The following FHOD3 variants were observed in gnomAD, a reference collection of about 807,000 sequenced individuals.
The protein encoded by FHOD3 is FH1/FH2 domain-containing protein 3.
FHOD3 carries 90 observed loss-of-function variants against 173.0 expected under a neutral mutation model. That is an observed-to-expected ratio of 0.52 (90% confidence interval 0.44 to 0.62). FHOD3 has a LOEUF of 0.62. FHOD3 is among the 20% of genes least tolerant of loss of function. FHOD3 has a pLI of 0.00. For synonymous variants in FHOD3, 828 were observed against 823.0 expected, an observed-to-expected ratio of 1.01 and a Z score of -0.10; for missense variants, 1,945 against 2,034.7, an observed-to-expected ratio of 0.96 and a Z score of 0.85.
chr18:36,557,282 G>A (rs2057925714), intron 5 of FHOD3, among the ~76,000 whole-genome samples: 1 of 152,008 alleles, frequency 6.6e-6, no homozygotes, highest in South Asian at 2.1e-4. Context: ...AGGAAATCCA[G>A]TAACCAATAT....
intron 7 of FHOD3, among the ~76,000 whole-genome samples, chr18:36,600,284 C>CACACACAT (rs1555778047): frequency 6.6e-6 from 1 of 151,386 alleles, no homozygotes; most frequent in African/African-American, 2.4e-5. Context: ...CACACACACA[C>CACACACAT]ACACATATGC....
chr18:36,320,939 A>G (rs1454893764), intron 1 of FHOD3, among the ~76,000 whole-genome samples: 2 of 152,230 alleles, frequency 1.3e-5, no homozygotes, highest in Non-Finnish European at 2.9e-5. Context: ...AAATAAAATG[A>G]ATTGGCAAGG....
intron 3 of FHOD3, among the ~76,000 whole-genome samples, chr18:36,408,418 C>T (rs895475459): frequency 6.6e-6 from 1 of 151,942 alleles, no homozygotes; most frequent in Non-Finnish European, 1.5e-5. Context: ...GGGTTAATGC[C>T]CTGAGGTGGC....
At chr18:36,745,748 C>T (rs369511258) in intron 23 of FHOD3, among the ~76,000 whole-genome samples, 78 of 145,852 alleles carry the variant, frequency 5.3e-4, no homozygotes, top group African/African-American at 1.9e-3. Flanking sequence ...CTCCCGCTCA[C>T]CCCCCGCCAC....
At chr18:36,613,695 A>G (rs2032922924) in intron 9 of FHOD3, among the ~76,000 whole-genome samples, 1 of 152,000 alleles carries the variant, frequency 6.6e-6, no homozygotes. Context: ...GTTTTTTGAG[A>G]CAGTCTCTCT....
chr18:36,446,514 T>C (rs1322827564), intron 3 of FHOD3, among the ~76,000 whole-genome samples: 7 of 152,264 alleles, frequency 4.6e-5, no homozygotes, highest in Non-Finnish European at 8.8e-5. Flanking sequence ...TGCCACACTT[T>C]AATCCACATG....
intron 3 of FHOD3, among the ~76,000 whole-genome samples, chr18:36,438,583 A>T (rs986883416): frequency 1.3e-5 from 2 of 152,076 alleles, no homozygotes; most frequent in African/African-American, 4.8e-5. Flanking sequence ...GACCACTGTT[A>T]TGTGTGTCTG....
intron 3 of FHOD3, among the ~76,000 whole-genome samples, chr18:36,459,665 A>G (rs919078562): frequency 6.6e-6 from 1 of 151,394 alleles, no homozygotes; most frequent in Non-Finnish European, 1.5e-5. Flanking sequence ...GAGCATTTTG[A>G]TTTTTTTTTC....
intron 3 of FHOD3, among the ~76,000 whole-genome samples, chr18:36,413,603 A>G (rs2146936453): frequency 6.6e-6 from 1 of 152,246 alleles, no homozygotes; most frequent in South Asian, 2.1e-4. Context: ...GCACAGCTGC[A>G]CCCCTCATGT....
chr18:36,726,326 T>C (rs1292875481), intron 19 of FHOD3, among the ~76,000 whole-genome samples: 1 of 151,786 alleles, frequency 6.6e-6, no homozygotes, highest in African/African-American at 2.4e-5. Flanking sequence ...ATACAAGAGG[T>C]TTTTTGCTTT....
At chr18:36,706,393 C>G (rs2039880032) in intron 17 of FHOD3, among the ~76,000 whole-genome samples, 1 of 152,090 alleles carries the variant, frequency 6.6e-6, no homozygotes, top group African/African-American at 2.4e-5. Flanking sequence ...ACCTCCCCAG[C>G]AGTCATGAAA....
chr18:36,404,726 T>G (rs185248836), intron 3 of FHOD3, among the ~76,000 whole-genome samples: 249 of 152,246 alleles, frequency 1.6e-3, no homozygotes, highest in Non-Finnish European at 3.0e-3. Flanking sequence ...GGAAATGCAC[T>G]GGGTAGCTGA....
chr18:36,577,516 G>A (rs933337849), intron 6 of FHOD3, among the ~76,000 whole-genome samples: 2 of 152,138 alleles, frequency 1.3e-5, no homozygotes, highest in Non-Finnish European at 2.9e-5. Flanking sequence ...GGCCAGTCTG[G>A]TCTTGAACTC....
intron 3 of FHOD3, among the ~76,000 whole-genome samples, chr18:36,486,932 T>C (rs1335964441): frequency 6.6e-6 from 1 of 152,236 alleles, no homozygotes; most frequent in Non-Finnish European, 1.5e-5. Context: ...TCTGGCTTAT[T>C]TCATTTAGCA....
At chr18:36,548,742 C>T (rs555605678) in intron 5 of FHOD3, among the ~76,000 whole-genome samples, 2 of 152,200 alleles carry the variant, frequency 1.3e-5, no homozygotes, top group Admixed American at 6.5e-5. Context: ...TTTCACACGT[C>T]GCATGGTCTT....
intron 3 of FHOD3, among the ~76,000 whole-genome samples, chr18:36,444,037 C>T (rs1320142710): frequency 6.6e-6 from 1 of 151,856 alleles, no homozygotes; most frequent in African/African-American, 2.4e-5. Context: ...ACTAAAAATA[C>T]AAAAAATTAG....
chr18:36,586,569 C>G (rs2148200718), intron 6 of FHOD3, among the ~76,000 whole-genome samples: 1 of 152,066 alleles, frequency 6.6e-6, no homozygotes. Context: ...ACTGCAACCT[C>G]CTGCCGCCTC....
chr18:36,340,258 C>A (rs142719400), intron 1 of FHOD3, among the ~76,000 whole-genome samples: 1 of 152,092 alleles, frequency 6.6e-6, no homozygotes, highest in Non-Finnish European at 1.5e-5. Context: ...TTTTTAAGTG[C>A]GTGAATTTGG....
intron 5 of FHOD3, among the ~76,000 whole-genome samples, chr18:36,537,564 C>T (rs1258552062): frequency 6.6e-6 from 1 of 152,124 alleles, no homozygotes; most frequent in Non-Finnish European, 1.5e-5. Flanking sequence ...AGGGCCTTCA[C>T]ATCTGCTTGT....
Sources: allele counts gnomAD v4.1 joint callset (sites outside exome capture counted in the v4.1 genomes callset), GRCh38; gene constraint gnomAD v4.1.1; transcripts MANE v1.5; gene names NCBI Gene and HGNC (gene_info 2026-07-23, HGNC 2026-07-21).